Variants in IDH3A observed in about 807,000 individuals in gnomAD.
The protein encoded by IDH3A is isocitrate dehydrogenase [NAD] subunit alpha, mitochondrial.
In IDH3A, 23 loss-of-function variants were observed where a neutral mutation model predicts 43.3. That is an observed-to-expected ratio of 0.53 (90% confidence interval 0.38 to 0.75). IDH3A has a LOEUF of 0.75. Ranked by LOEUF, IDH3A falls within the 30% of genes least tolerant of loss-of-function variation. The pLI is 0.00. For missense variants in IDH3A, 329 were observed against 474.4 expected, an observed-to-expected ratio of 0.69 and a Z score of 2.85; for synonymous variants, 154 against 163.5, an observed-to-expected ratio of 0.94 and a Z score of 0.44.
rs888230780 is a variant in IDH3A at position 78,169,125 on chromosome 15, C to A, written c.*120C>A. The A allele has an allele frequency of 3.6e-6, 2 of 555,644 alleles. No individual in the cohort carries two copies. Among genetic ancestry groups the A allele is most frequent in the Non-Finnish European group, 6.2e-6 (2 of 322,606 alleles). 34.4% of individuals were successfully genotyped at this position (555,644 alleles called of 1,614,324 possible). ...GTTTCTTGACAGTACATTTTTAGATCTGGCCTTTTCTTAACAAAATCTGTG... is the reference window on the plus strand; with the variant it reads ...GTTTCTTGACAGTACATTTTTAGATATGGCCTTTTCTTAACAAAATCTGTG... On this transcript the variant is annotated 3_prime_UTR_variant, in exon 11 of 11. Coordinates refer to ENST00000299518, the MANE Select transcript of IDH3A (RefSeq NM_005530.3).
At chr15:78,165,829 T>C (rs1377363209) in intron 9 of IDH3A, among the ~76,000 whole-genome samples, 1 of 152,036 alleles carries the variant, frequency 6.6e-6, no homozygotes, top group Non-Finnish European at 1.5e-5. Context: ...GCTGGCACTG[T>C]AGTCAGGCAC....
chr15:78,163,733 C>G lies in IDH3A; in HGVS notation c.732C>G (p.Ser244=). 1.2e-6 allele frequency: 2 copies of G among 1,612,984 alleles called. No individual in the cohort carries two copies. Among genetic ancestry groups the G allele is most frequent in the Non-Finnish European group, 1.7e-6 (2 of 1,179,066 alleles). Residue 244 remains serine, a synonymous_variant, in exon 8 of 11, where the codon TCC becomes TCG. Coordinates refer to ENST00000299518, the MANE Select transcript of IDH3A (RefSeq NM_005530.3). ...CCTTGTAGATGGTACAAGATCCTTC[C>G]CAATTTGATGTTCTTGTTATGCCAA... The part of the protein sequence containing the change: ...TVCLNMVQDP[S]QFDVLVMPNL...
chr15:78,166,605 C>T (rs1177908338), intron 10 of IDH3A: 1 of 311,250 alleles, frequency 3.2e-6, no homozygotes, highest in Admixed American at 4.1e-5. Flanking sequence ...CCCAATTATC[C>T]TATTGTTAGC....
In IDH3A at chr15:78,162,338, C is replaced by T. The variant is rs1243714116; in HGVS notation, c.582C>T (p.Asn194=). The change falls in exon 6 of 11, where the codon AAC becomes AAT. Residue 194 remains asparagine (N), a synonymous_variant. Coordinates refer to ENST00000299518, the MANE Select transcript of IDH3A (RefSeq NM_005530.3). ...FEYARNNHRS[N]VTAVHKANIM... is the part of the protein sequence containing the mutation. ...ATGCCCGGAACAACCACCGGAGCAA[C>T]GTCACGGCGGTGCACAAAGCCAACA... The T allele has an allele frequency of 3.1e-6, 5 of 1,614,174 alleles. No individual in the cohort carries two copies. The highest frequency in any genetic ancestry group is 3.3e-4 in the Middle Eastern group (2 of 6,060).
intron 3 of IDH3A, among the ~76,000 whole-genome samples, chr15:78,159,072 A>T (rs1416416666): frequency 3.3e-5 from 5 of 152,154 alleles, no homozygotes; most frequent in African/African-American, 1.2e-4. Context: ...ACCTCAGGTG[A>T]TCCACCCACC....
chr15:78,169,167 A>G lies in IDH3A; in HGVS notation c.*162A>G, dbSNP rs1339831151. On this transcript the variant is annotated 3_prime_UTR_variant, in exon 11 of 11. Transcript: ENST00000299518. ...AAATCTGTGCAAAAGATGCAGGTGG[A>G]TGTCCCTAGGTCTGTTTTCAAAGAA... is the stretch of plus-strand genomic sequence containing the variant. 4.3e-6 allele frequency: 2 copies of G among 464,704 alleles called. No individual in the cohort carries two copies. The highest frequency in any genetic ancestry group is 7.7e-6 in the Non-Finnish European group (2 of 259,866). The allele number at this position is 464,704 out of a possible 1,614,324, so 28.8% of individuals were successfully genotyped here. A position where few individuals can be genotyped will look rare whatever the true frequency, so the allele number is the denominator to read the frequency against.
Position 78,149,701 on chromosome 15 carries a change from A to G in IDH3A, c.27+271A>G, listed in dbSNP as rs1009196250. ...GGGGGCGCCGGCCCTGCTCCTGCCG[A>G]GACCCGGCTGCCGTCACCCGCATCC... On this transcript the variant is annotated intron_variant, in intron 1 of 10. Coordinates refer to ENST00000299518, the MANE Select transcript of IDH3A (RefSeq NM_005530.3). Among the ~76,000 whole-genome samples, 19 of 152,304 alleles carry G rather than the reference A, an allele frequency of 1.2e-4. No homozygotes were observed. The South Asian group carries it at 3.3e-3, about 27-fold the overall frequency.
At chr15:78,156,796 T>G in intron 2 of IDH3A, 1 of 821,014 alleles carries the variant, frequency 1.2e-6, no homozygotes, top group South Asian at 1.5e-5. Context: ...TCGTTTTGCC[T>G]GAAGCCTTAG....
rs747096667 is a variant in IDH3A, at chr15:78,155,320, C to T, written c.90+45C>T. 3.1e-6 allele frequency: 4 copies of T among 1,293,460 alleles called. No individual in the cohort carries two copies. The African/African-American group carries it at 4.4e-5, about 14-fold the overall frequency. 80.1% of individuals were successfully genotyped at this position (1,293,460 alleles called of 1,614,324 possible). A position where few individuals can be genotyped will look rare whatever the true frequency, so the allele number is the denominator to read the frequency against. On this transcript the variant is annotated intron_variant, in intron 2 of 10. Transcript: ENST00000299518. Reference sequence around the variant, plus strand: ...TTATTTTTTCCTTTTAGAAGTTTCTCAAGAAAGATGCTCTAACATATTTAT... The same window carrying T: ...TTATTTTTTCCTTTTAGAAGTTTCTTAAGAAAGATGCTCTAACATATTTAT...
At chr15:78,163,414 C>G in intron 6 of IDH3A, 93 bp from the exon 7 acceptor site, 2 of 848,322 alleles carry the variant, frequency 2.4e-6, no homozygotes, top group Non-Finnish European at 3.8e-6. Context: ...GCTTCTGGAA[C>G]TTAAATGTCT....
intron 1 of IDH3A, chr15:78,154,823 A>T (rs568097474): frequency 3.9e-4 from 61 of 156,020 alleles, no homozygotes; most frequent in Admixed American, 2.5e-3. Context: ...ATTAATGGTA[A>T]TTTTCTTAGA....
intron 9 of IDH3A, among the ~76,000 whole-genome samples, chr15:78,165,933 C>T (rs1209751098): frequency 2.0e-5 from 3 of 152,184 alleles, no homozygotes; most frequent in Admixed American, 6.5e-5. Flanking sequence ...AAGTGATCTT[C>T]TTGCCTTGGC....
chr15:78,167,993 T>C (rs1361356414), intron 10 of IDH3A: 3 of 152,292 alleles, frequency 2.0e-5, no homozygotes, highest in African/African-American at 4.8e-5. Context: ...CTGAATTACA[T>C]AGTGGGCCCT....
intron 1 of IDH3A, among the ~76,000 whole-genome samples, chr15:78,150,355 G>GC (rs2074563981): frequency 6.6e-6 from 1 of 152,192 alleles, no homozygotes. Context: ...GATGGTACAG[G>GC]CCATCAGGCC....
intron 1 of IDH3A, among the ~76,000 whole-genome samples, chr15:78,151,883 T>C (rs1241633745): frequency 6.6e-6 from 1 of 152,112 alleles, no homozygotes. Flanking sequence ...TACTGGTGTG[T>C]GCCACCATAC....
chr15:78,166,039 C>A, intron 9 of IDH3A, 111 bp from the exon 10 acceptor site: 1 of 993,714 alleles, frequency 1.0e-6, no homozygotes, highest in Non-Finnish European at 1.6e-6. Context: ...CAGTAGCTTT[C>A]AGTGCATATT....
Position 78,160,152 on chromosome 15 carries a change from A to T in IDH3A, c.235A>T (p.Met79Leu). 1 of 1,613,784 alleles carries T rather than the reference A, an allele frequency of 6.2e-7. No homozygotes were observed. Among genetic ancestry groups the T allele is most frequent in the Non-Finnish European group, 8.5e-7 (1 of 1,179,672 alleles). Residue 79 changes from methionine (M) to leucine (L), a missense_variant, in exon 4 of 11, where the codon ATG becomes TTG. Physicochemically the swap from Met to Leu is conservative, Grantham distance 15. This residue lies in a region of IDH3A where 212 missense variants were observed against 345.5 expected (regional missense o/e 0.61). Transcript: ENST00000299518. ...CATTCAAGGACCTGGAGGAAAGTGG[A>T]TGATCCCTTCAGAGGCTAAAGAGTC... ...TAIQGPGGKW[M>L]IPSEAKESMD...
rs184112284 is a variant in IDH3A, at chr15:78,161,431, G to A, written c.290-150G>A. 2.6e-5 allele frequency: 16 copies of A among 615,656 alleles called. No homozygotes were observed. The highest frequency in any genetic ancestry group is 9.2e-5 in the African/African-American group (5 of 54,534). 38.1% of individuals were successfully genotyped at this position (615,656 alleles called of 1,614,324 possible). On this transcript the variant is annotated intron_variant, in intron 4 of 10. Coordinates refer to ENST00000299518, the MANE Select transcript of IDH3A (RefSeq NM_005530.3). The surrounding 1 kb of genome is among the most constrained non-coding windows in gnomAD (Gnocchi z 4.8). The stretch of plus-strand genomic sequence containing the variant: ...GCAGTTAATGTTCCAGAAAGCTCCC[G>A]TGAGGAAGTGTTCCTCCTTCATTTG...
At chr15:78,166,001 C>A in intron 9 of IDH3A, 149 bp from the exon 10 acceptor site, 1 of 713,402 alleles carries the variant, frequency 1.4e-6, no homozygotes, top group Non-Finnish European at 2.3e-6. Context: ...GACTTTATTT[C>A]TTCAGTCCAT....
Sources: gnomAD v4.1 joint callset for allele counts (sites outside exome capture counted in the v4.1 genomes callset) on GRCh38, gnomAD v4.1.1 for gene constraint, gnomAD v4.1.1 regional missense constraint, Gnocchi (gnomAD v3.1) non-coding constraint, MANE v1.5 for transcripts, NCBI Gene and HGNC (gene_info 2026-07-23, HGNC 2026-07-21) for gene names.